Variants in NECAB1 observed in about 807,000 individuals in gnomAD.
NECAB1 encodes N-terminal EF-hand calcium-binding protein 1.
NECAB1 carries 29 observed loss-of-function variants against 57.5 expected under a neutral mutation model. That is an observed-to-expected ratio of 0.50 (90% CI 0.38 to 0.69). The LOEUF is 0.69. NECAB1 is among the 30% of genes least tolerant of loss of function. NECAB1 has a pLI of 0.00. For synonymous variants in NECAB1, 142 were observed against 147.7 expected, an observed-to-expected ratio of 0.96 and a Z score of 0.28; for missense variants, 372 against 413.8, an observed-to-expected ratio of 0.90 and a Z score of 0.88.
At chr8:90,921,237 GA>G (rs1810102654) in intron 6 of NECAB1, among the ~76,000 whole-genome samples, 1 of 152,058 alleles carries the variant, frequency 6.6e-6, no homozygotes, top group Non-Finnish European at 1.5e-5. Flanking sequence ...GGCTGGACGC[GA>G]ACTCCTGACC....
intron 3 of NECAB1, among the ~76,000 whole-genome samples, chr8:90,856,498 C>T (rs904439792): frequency 6.6e-6 from 1 of 151,942 alleles, no homozygotes; most frequent in Admixed American, 6.6e-5. Context: ...CTTCTTTAAA[C>T]AATAACAAAA....
chr8:90,792,419 G>T (rs1402339705), intron 1 of NECAB1, among the ~76,000 whole-genome samples: 1 of 152,196 alleles, frequency 6.6e-6, no homozygotes, highest in Non-Finnish European at 1.5e-5. Context: ...CAGCGATTGA[G>T]ATGCCCTCGT....
At chr8:90,938,678 G>A (rs968617362) in intron 9 of NECAB1, among the ~76,000 whole-genome samples, 3 of 152,190 alleles carry the variant, frequency 2.0e-5, no homozygotes, top group African/African-American at 2.4e-5. Context: ...TAGGAAAGGA[G>A]GGGGAAAAGA....
intron 10 of NECAB1, among the ~76,000 whole-genome samples, chr8:90,949,165 TG>T (rs1810875032): frequency 6.7e-6 from 1 of 148,640 alleles, no homozygotes. Flanking sequence ...TGTGTGTGTG[TG>T]TGTGTGTGTG....
intron 1 of NECAB1, among the ~76,000 whole-genome samples, chr8:90,798,660 T>A (rs1023401550): frequency 6.6e-6 from 1 of 152,200 alleles, no homozygotes; most frequent in Non-Finnish European, 1.5e-5. Flanking sequence ...TAGTATTCCA[T>A]GATGTATATG....
Position 90,820,255 on chromosome 8 carries a change from G to A in NECAB1, c.125-4462G>A, listed in dbSNP as rs1325945585. Among the ~76,000 whole-genome samples, 10 of 128,760 alleles carry A rather than the reference G, an allele frequency of 7.8e-5. No individual in the cohort carries two copies. The Admixed American group carries it at 8.7e-4, about 11-fold the overall frequency. The allele number at this position is 128,760 out of a possible 152,430, so 84.5% of individuals were successfully genotyped here. A position where few individuals can be genotyped will look rare whatever the true frequency, so the allele number is the denominator to read the frequency against. On this transcript the variant is annotated intron_variant, in intron 2 of 12. Coordinates refer to ENST00000417640, the MANE Select transcript of NECAB1 (RefSeq NM_022351.5). ...ATTTCAGGTTTTTCAGCTTTTTGTT[G>A]TTTTAAGGACAGAAATGACATCTAA...
chr8:90,930,385 C>T (rs935498247), intron 8 of NECAB1, among the ~76,000 whole-genome samples: 3 of 152,144 alleles, frequency 2.0e-5, no homozygotes, highest in Non-Finnish European at 4.4e-5. Context: ...GGAAGAGACA[C>T]ATGAGAGAGA....
Position 90,957,899 on chromosome 8 carries a change from C to T in NECAB1, c.*2387C>T, listed in dbSNP as rs182837053. 7.3e-5 allele frequency: 11 copies of T among 149,954 alleles called. No homozygotes were observed. The highest frequency in any genetic ancestry group is 3.0e-5 in the Non-Finnish European group (2 of 67,182). 9.3% of individuals were successfully genotyped at this position (149,954 alleles called of 1,614,324 possible). A position where few individuals can be genotyped will look rare whatever the true frequency, so the allele number is the denominator to read the frequency against. ...TAAAAGACCAAGATGGGAAACGTAA[C>T]ATGGAATACAAGCTTGAATCTGGGA... On this transcript the variant is annotated 3_prime_UTR_variant, in exon 13 of 13. Transcript: ENST00000417640.
chr8:90,886,508 T>C (rs1199447136), intron 5 of NECAB1, among the ~76,000 whole-genome samples: 1 of 152,058 alleles, frequency 6.6e-6, no homozygotes, highest in African/African-American at 2.4e-5. Flanking sequence ...GTGCAGGTCT[T>C]CTCTGTTCTC....
At chr8:90,795,436 C>T (rs1352305398) in intron 1 of NECAB1, among the ~76,000 whole-genome samples, 1 of 152,154 alleles carries the variant, frequency 6.6e-6, no homozygotes, top group Non-Finnish European at 1.5e-5. Context: ...AATGACTTTA[C>T]TGCTTGTCTT....
rs1381306024 is a variant in NECAB1, at chr8:90,899,965, T to C, written c.358-17527T>C. On this transcript the variant is annotated intron_variant, in intron 5 of 12. Transcript: ENST00000417640. ...CCTTCCTCCCTACAGTCTGATACACTAGTGAGAATAATAAGCATTACTAAA... is the reference window on the plus strand; with the variant it reads ...CCTTCCTCCCTACAGTCTGATACACCAGTGAGAATAATAAGCATTACTAAA... 2.0e-5 allele frequency among the ~76,000 whole-genome samples: 3 copies of C among 152,208 alleles called. No individual in the cohort carries two copies. The East Asian group carries it at 5.8e-4, about 29-fold the overall frequency.
Position 90,956,029 on chromosome 8 carries a change from C to T in NECAB1, c.*517C>T, listed in dbSNP as rs1480142211. The T allele has an allele frequency of 6.6e-6, 1 of 152,144 alleles. No individual in the cohort carries two copies. Among genetic ancestry groups the T allele is most frequent in the Non-Finnish European group, 1.5e-5 (1 of 68,056 alleles). The allele number at this position is 152,144 out of a possible 1,614,324, so 9.4% of individuals were successfully genotyped here. Reference sequence around the variant, plus strand: ...CACAGCCCTATGACTACTATCTTTGCATTAGTTAAAAAGTTAGTATATAGG... The same window carrying T: ...CACAGCCCTATGACTACTATCTTTGTATTAGTTAAAAAGTTAGTATATAGG... On this transcript the variant is annotated 3_prime_UTR_variant, in exon 13 of 13. Transcript: ENST00000417640.
intron 10 of NECAB1, among the ~76,000 whole-genome samples, chr8:90,944,888 AATCATTT>A (rs1217094893): frequency 6.6e-6 from 1 of 152,146 alleles, no homozygotes; most frequent in Non-Finnish European, 1.5e-5. Context: ...CTGAATCATT[AATCATTT>A]ATCAGTATTT....
chr8:90,922,294 T>A (rs752992780), intron 6 of NECAB1, among the ~76,000 whole-genome samples: 16 of 152,168 alleles, frequency 1.1e-4, no homozygotes, highest in South Asian at 2.1e-4. Context: ...AGGAACGTAA[T>A]TAATTCCTTC....
intron 8 of NECAB1, among the ~76,000 whole-genome samples, chr8:90,929,184 C>T (rs137877418): frequency 3.6e-4 from 55 of 152,070 alleles, no homozygotes; most frequent in African/African-American, 1.2e-3. Flanking sequence ...AATGACTGAC[C>T]GAGACATGTT....
At chr8:90,851,153 C>T (rs768298488) in intron 3 of NECAB1, among the ~76,000 whole-genome samples, 9 of 152,168 alleles carry the variant, frequency 5.9e-5, no homozygotes, top group Non-Finnish European at 8.8e-5. Context: ...GTGGTATACC[C>T]GAAGAGGGCA....
At chr8:90,949,913 T>C (rs1044412750) in intron 11 of NECAB1, 29 bp downstream of exon 11, 10 of 1,433,444 alleles carry the variant, frequency 7.0e-6, no homozygotes, top group African/African-American at 1.4e-5. Context: ...TGATTTTATG[T>C]GAAGCCAGGA....
rs185088997 is a variant in NECAB1 at position 90,821,123 on chromosome 8, C to T, written c.125-3594C>T. Among the ~76,000 whole-genome samples, 29 of 151,870 alleles carry T rather than the reference C, an allele frequency of 1.9e-4. No individual in the cohort carries two copies. In the South Asian group the frequency reaches 6.0e-3, roughly 32 times the overall value. ...AACTCCCAAGCATACACCTCAAGCC[C>T]CCATCGCCCATTGACTTTTCTAGAC... is the stretch of plus-strand genomic sequence containing the variant. On this transcript the variant is annotated intron_variant, in intron 2 of 12. Transcript: ENST00000417640.
chr8:90,955,297 G>A (rs995539740), intron 12 of NECAB1, among the ~76,000 whole-genome samples, 190 bp from the exon 13 acceptor site: 1 of 150,910 alleles, frequency 6.6e-6, no homozygotes, highest in Non-Finnish European at 1.5e-5. Context: ...AAAAGGTATG[G>A]TACAAATAAC....
Sources: allele counts gnomAD v4.1 joint callset (sites outside exome capture counted in the v4.1 genomes callset), GRCh38; gene constraint gnomAD v4.1.1; transcripts MANE v1.5; gene names NCBI Gene and HGNC (gene_info 2026-07-23, HGNC 2026-07-21).